Variants in SPEF2 observed in about 807,000 individuals in gnomAD.
The protein encoded by SPEF2 is sperm flagella and cilia-associated protein 2.
In SPEF2, 187 loss-of-function variants were observed where a neutral mutation model predicts 224.6. The ratio of observed to expected loss-of-function variants is 0.83; its 90% CI spans 0.74 to 0.94. SPEF2 has a LOEUF of 0.94. Ranked by LOEUF, SPEF2 falls within the 40% of genes least tolerant of loss-of-function variation. SPEF2 has a pLI of 0.00. For missense variants in SPEF2, 2,170 were observed against 2,135.6 expected (o/e 1.02, Z -0.32); for synonymous variants, 715 against 707.3 (o/e 1.01, Z -0.17).
intron 23 of SPEF2, among the ~76,000 whole-genome samples, chr5:35,750,132 G>A (rs1346668652): frequency 6.6e-6 from 1 of 152,118 alleles, no homozygotes; most frequent in Non-Finnish European, 1.5e-5. Flanking sequence ...AAATGGTGCT[G>A]GGATAATTGG....
intron 10 of SPEF2, among the ~76,000 whole-genome samples, chr5:35,679,892 A>G (rs1184275075): frequency 6.6e-6 from 1 of 152,216 alleles, no homozygotes; most frequent in African/African-American, 2.4e-5. Flanking sequence ...TTCACTTGGA[A>G]AAACTATTTA....
At chr5:35,757,345 C>A (rs1015349949) in intron 24 of SPEF2, among the ~76,000 whole-genome samples, 1 of 151,934 alleles carries the variant, frequency 6.6e-6, no homozygotes, top group Non-Finnish European at 1.5e-5. Context: ...GTCCCAAAAA[C>A]CAATTGTATA....
At chr5:35,629,447 G>A (rs984779064) in intron 2 of SPEF2, among the ~76,000 whole-genome samples, 24 of 152,028 alleles carry the variant, frequency 1.6e-4, no homozygotes, top group African/African-American at 4.8e-4. Context: ...GTGAGCCACC[G>A]CGCCCGGCCT....
At chr5:35,793,373 AC>A (rs759950823) in intron 32 of SPEF2, 32 bp downstream of exon 32, 1 of 1,597,610 alleles carries the variant, frequency 6.3e-7, no homozygotes, top group South Asian at 1.1e-5. Flanking sequence ...CATTGATAAC[AC>A]CAGAACACTT....
At chr5:35,659,290 G>A in intron 8 of SPEF2, 83 bp downstream of exon 8, 1 of 1,336,950 alleles carries the variant, frequency 7.5e-7, no homozygotes, top group Non-Finnish European at 1.0e-6. Context: ...GCTATATTTT[G>A]TTGCCAATCA....
chr5:35,739,957 A>T lies in SPEF2; in HGVS notation c.3102A>T (p.Ile1034=). The change falls in exon 22 of 37, where the codon ATA becomes ATT. Residue 1034 remains isoleucine, a synonymous_variant. Coordinates refer to ENST00000356031, the MANE Select transcript of SPEF2 (RefSeq NM_024867.4). ...PLFLVPYWEL[I]ENSYINTIKT... ...TTTTAGTACCTTACTGGGAACTAAT[A>T]GAAAATTCCTATATAAACACCATCA... The T allele has an allele frequency of 6.2e-7, 1 of 1,614,158 alleles. No individual in the cohort carries two copies. Among genetic ancestry groups the T allele is most frequent in the Non-Finnish European group, 8.5e-7 (1 of 1,180,004 alleles).
rs753514686 is a variant in SPEF2, at chr5:35,644,407, C to G, written c.467C>G (p.Thr156Arg). 6.2e-7 allele frequency: 1 copy of G among 1,609,820 alleles called. No homozygotes were observed. Among genetic ancestry groups the G allele is most frequent in the Non-Finnish European group, 8.5e-7 (1 of 1,178,026 alleles). Residue 156 changes from threonine to arginine, a missense_variant, in exon 4 of 37, where the codon ACA (threonine) becomes AGA (arginine). Transcript: ENST00000356031. ...ACTGATTTCAATCTGATGCGGATTA[C>G]ATACAGGTTTCAAGAAAAATATAAA... ...RQTDFNLMRI[T>R]YRFQEKYKHV...
chr5:35,636,975 CAA>C (rs1168479903), intron 2 of SPEF2, among the ~76,000 whole-genome samples: 16 of 58,730 alleles, frequency 2.7e-4, no homozygotes, highest in Admixed American at 4.0e-4. Context: ...GACTCTGTCT[CAA>C]AAAAAAAAAA....
At position 35,705,791 on chromosome 5, in the gene SPEF2, C is replaced by CAA; in HGVS notation, c.2656_2657dup (p.Asn887ArgfsTer8). 2.1e-6 allele frequency: 3 copies of CAA among 1,440,234 alleles called. No individual in the cohort carries two copies. The highest frequency in any genetic ancestry group is 2.8e-6 in the Non-Finnish European group (3 of 1,067,582). 89.2% of individuals were successfully genotyped at this position (1,440,234 alleles called of 1,614,324 possible). ...AAAGAAATTCTTACGACTGAAATAG[C>CAA]AAAAAAAAAGAATAAAGGTATTTAC... On this transcript the variant is annotated frameshift_variant, in exon 18 of 37. Transcript: ENST00000356031. LOFTEE classifies it high-confidence loss of function.
chr5:35,692,326 G>T (rs1754633033), intron 11 of SPEF2, among the ~76,000 whole-genome samples: 1 of 152,104 alleles, frequency 6.6e-6, no homozygotes, highest in Non-Finnish European at 1.5e-5. Flanking sequence ...CAGTAGAATT[G>T]CTTGAACCCA....
intron 33 of SPEF2, among the ~76,000 whole-genome samples, chr5:35,799,442 T>G (rs951234517): frequency 6.6e-6 from 1 of 152,228 alleles, no homozygotes; most frequent in Non-Finnish European, 1.5e-5. Context: ...GCTCTCTGCC[T>G]GGATGTGAAG....
intron 30 of SPEF2, chr5:35,788,147 G>T (rs949140780): frequency 1.8e-5 from 13 of 702,816 alleles, no homozygotes; most frequent in Non-Finnish European, 3.1e-5. Context: ...TCATGCCAAG[G>T]CCTCATTAAT....
In SPEF2 at chr5:35,704,676, T is replaced by C; in HGVS notation, c.2507+14T>C. 1 of 1,407,460 alleles carries C rather than the reference T, an allele frequency of 7.1e-7. No individual in the cohort carries two copies. Among genetic ancestry groups the C allele is most frequent in the South Asian group, 1.2e-5 (1 of 85,430 alleles). The allele number at this position is 1,407,460 out of a possible 1,614,324, so 87.2% of individuals were successfully genotyped here. ...GATACAACATAGGTTAGTTTTTAAC[T>C]AAATGCTCTGCTTCTTGTTTCATGC... On this transcript the variant is annotated intron_variant, in intron 17 of 36. Coordinates refer to ENST00000356031, the MANE Select transcript of SPEF2 (RefSeq NM_024867.4).
chr5:35,648,952 T>C lies in SPEF2; in HGVS notation c.727-409T>C, dbSNP rs112759785. Among the ~76,000 whole-genome samples the C allele has an allele frequency of 7.0e-3, 1,042 of 149,382 alleles. 15 individuals are homozygous for C. Among genetic ancestry groups the C allele is most frequent in the African/African-American group, 0.025 (1,008 of 40,502 alleles). On this transcript the variant is annotated intron_variant, in intron 5 of 36. Coordinates refer to ENST00000356031, the MANE Select transcript of SPEF2 (RefSeq NM_024867.4). Reference sequence around the variant, plus strand: ...TCACTTGAACCCGGGAGGTGGAGGATGCCTTGAGCCGAGATCGCGCCACTG... The same window carrying C: ...TCACTTGAACCCGGGAGGTGGAGGACGCCTTGAGCCGAGATCGCGCCACTG...
At chr5:35,799,143 C>A (rs570488202) in intron 33 of SPEF2, among the ~76,000 whole-genome samples, 1 of 152,278 alleles carries the variant, frequency 6.6e-6, no homozygotes, top group African/African-American at 2.4e-5. Context: ...CTTAGAAGGT[C>A]CAGCACCATA....
chr5:35,694,626 A>G (rs1208359359), intron 13 of SPEF2, among the ~76,000 whole-genome samples: 3 of 151,868 alleles, frequency 2.0e-5, no homozygotes, highest in African/African-American at 4.8e-5. Flanking sequence ...AGAATCCAGG[A>G]TAAATCATCC....
At position 35,781,083 on chromosome 5, in the gene SPEF2, T is replaced by C. The variant is rs140630110; in HGVS notation, c.4447+1737T>C. Among the ~76,000 whole-genome samples, 42 of 151,470 alleles carry C rather than the reference T, an allele frequency of 2.8e-4. 1 individual carries two copies. The highest frequency in any genetic ancestry group is 9.4e-4 in the African/African-American group (39 of 41,292). On this transcript the variant is annotated intron_variant, in intron 30 of 36. Transcript: ENST00000356031. ...TCAACAGATAAATGTTTTCAGACTA[T>C]GGGAGAAATAAGAAGGGAGGGAGAG...
Position 35,806,799 on chromosome 5 carries a change from G to A in SPEF2, c.5103G>A (p.Glu1701=). 1 of 1,613,940 alleles carries A rather than the reference G, an allele frequency of 6.2e-7. No homozygotes were observed. The highest frequency in any genetic ancestry group is 8.5e-7 in the Non-Finnish European group (1 of 1,179,946). Residue 1701 remains glutamate (E), a synonymous_variant, in exon 35 of 37, where the codon GAG becomes GAA. Transcript: ENST00000356031. ...AAAGGAAATTAAAAGACGACACGGA[G>A]AAAAGGGAACAGAAGGATGAAGAAA... ...REERKLKDDT[E]KREQKDEEIP... is the part of the protein sequence containing the mutation.
chr5:35,797,809 T>A (rs1028867485), intron 33 of SPEF2, among the ~76,000 whole-genome samples: 1 of 152,156 alleles, frequency 6.6e-6, no homozygotes, highest in African/African-American at 2.4e-5. Flanking sequence ...ATGGACACAT[T>A]AGAAATCCTG....
Sources: gnomAD v4.1 joint callset for allele counts (sites outside exome capture counted in the v4.1 genomes callset) on GRCh38, gnomAD v4.1.1 for gene constraint, MANE v1.5 for transcripts, NCBI Gene and HGNC (gene_info 2026-07-23, HGNC 2026-07-21) for gene names.